The following DACH2 variants were observed in gnomAD, a reference collection of about 807,000 sequenced individuals.
DACH2 encodes the protein dachshund homolog 2.
DACH2 carries 17 observed loss-of-function variants against 35.8 expected under a neutral mutation model. The observed-to-expected ratio is 0.48, with a 90% CI of 0.33 to 0.71. The LOEUF (loss-of-function observed/expected upper bound fraction) is 0.71. Among genes scored for constraint, DACH2 ranks in the 30% least tolerant of loss-of-function variants. The pLI is 0.02. For synonymous variants in DACH2, 195 were observed against 177.3 expected, an observed-to-expected ratio of 1.10 and a Z score of -0.79; for missense variants, 469 against 472.7, an observed-to-expected ratio of 0.99 and a Z score of 0.07.
intron 2 of DACH2, among the ~76,000 whole-genome samples, chrX:86,455,853 C>G (rs9919084): frequency 0.076 from 8,554 of 111,945 alleles, 830 homozygotes; most frequent in African/African-American, 0.26. Context: ...GGGATATCTA[C>G]AGATGGGGAT....
chrX:86,758,501 T>C (rs1237514962), intron 7 of DACH2, among the ~76,000 whole-genome samples: 1 of 112,137 alleles, frequency 8.9e-6, no homozygotes, highest in Non-Finnish European at 1.9e-5. Context: ...TTCAGGAGCA[T>C]GTTGTTTCAT....
chrX:86,227,511 C>T (rs1309593303), intron 1 of DACH2, among the ~76,000 whole-genome samples: 1 of 111,304 alleles, frequency 9.0e-6, no homozygotes, highest in Non-Finnish European at 1.9e-5. Context: ...CTCATTCAAC[C>T]AAAAATATTT....
intron 2 of DACH2, among the ~76,000 whole-genome samples, chrX:86,449,661 C>A (rs1045108713): frequency 9.0e-6 from 1 of 110,691 alleles, no homozygotes; most frequent in Non-Finnish European, 1.9e-5. Context: ...ATATTTATTA[C>A]AAGATTTTGC....
intron 3 of DACH2, among the ~76,000 whole-genome samples, chrX:86,588,400 A>C (rs1366525923): frequency 8.9e-6 from 1 of 111,907 alleles, no homozygotes; most frequent in Non-Finnish European, 1.9e-5. Context: ...TTCTGCAAAA[A>C]GTGACATTGG....
At chrX:86,640,192 C>A (rs951653912) in intron 3 of DACH2, among the ~76,000 whole-genome samples, 1 of 111,163 alleles carries the variant, frequency 9.0e-6, no homozygotes, top group African/African-American at 3.3e-5. Flanking sequence ...CCAGCCACCC[C>A]CCGCCAGAGC....
In DACH2 at chrX:86,160,748, T is replaced by G. The variant is rs746546419; in HGVS notation, c.488+11640T>G. The G allele has an allele frequency of 2.8e-4, 131 of 461,552 alleles. 1 individual carries two copies. Among genetic ancestry groups the G allele is most frequent in the African/African-American group, 2.7e-3 (112 of 41,038 alleles). 38.0% of individuals were successfully genotyped at this position (461,552 alleles called of 1,213,427 possible). On this transcript the variant is annotated intron_variant, in intron 1 of 11. Coordinates refer to ENST00000373125, the MANE Select transcript of DACH2 (RefSeq NM_053281.3). ...TTTCATTTCACTCGAAGCTTTATTT[T>G]ATTTCACTCAAAGCTTCCTGGTGCA...
chrX:86,693,965 G>A (rs1036265216), intron 4 of DACH2, among the ~76,000 whole-genome samples: 14 of 99,734 alleles, frequency 1.4e-4, no homozygotes, highest in Non-Finnish European at 2.2e-4. Flanking sequence ...TCAATGTTGC[G>A]GATATGAGTA....
At chrX:86,516,825 T>C (rs1307810328) in intron 3 of DACH2, among the ~76,000 whole-genome samples, 1 of 111,420 alleles carries the variant, frequency 9.0e-6, no homozygotes, top group African/African-American at 3.3e-5. Context: ...TGGTTTTCTA[T>C]TCCTGTATTA....
intron 1 of DACH2, among the ~76,000 whole-genome samples, chrX:86,281,757 G>A (rs774174846): frequency 4.5e-5 from 5 of 112,065 alleles, no homozygotes; most frequent in South Asian, 3.7e-4. Context: ...AAACCCCATC[G>A]TCTCAGCCCA....
At chrX:86,201,376 C>G (rs1015102117) in intron 1 of DACH2, among the ~76,000 whole-genome samples, 1 of 110,351 alleles carries the variant, frequency 9.1e-6, no homozygotes, top group African/African-American at 3.3e-5. Context: ...ATCTGTACAG[C>G]ACACCCCCAT....
At chrX:86,504,490 T>C in intron 2 of DACH2, among the ~76,000 whole-genome samples, 1 of 108,077 alleles carries the variant, frequency 9.3e-6, no homozygotes, top group East Asian at 2.9e-4. Flanking sequence ...ATTTATTTAT[T>C]TATTTATTTA....
chrX:86,625,634 G>A (rs1488256084), intron 3 of DACH2, among the ~76,000 whole-genome samples: 1 of 111,416 alleles, frequency 9.0e-6, no homozygotes, highest in African/African-American at 3.3e-5. Context: ...ATAAAGGAAA[G>A]AGGTTTAATT....
chrX:86,231,249 TA>T (rs746479572), intron 1 of DACH2, among the ~76,000 whole-genome samples: 202 of 112,707 alleles, frequency 1.8e-3, no homozygotes, highest in Non-Finnish European at 3.1e-3. Flanking sequence ...TGTGCTGGTT[TA>T]CCACCTGCCA....
chrX:86,831,821 A>T lies in DACH2; in HGVS notation c.1751-285A>T, dbSNP rs1376582636. ...ATATACAAAAAAAAAAGTAATATAG[A>T]TTATTACAGACATTATAATATAGTT... On this transcript the variant is annotated intron_variant, in intron 11 of 11. Coordinates refer to ENST00000373125, the MANE Select transcript of DACH2 (RefSeq NM_053281.3). 8.7e-5 allele frequency: 17 copies of T among 196,157 alleles called. 1 individual carries two copies. The East Asian group carries it at 1.6e-3, about 18-fold the overall frequency. 16.2% of individuals were successfully genotyped at this position (196,157 alleles called of 1,213,427 possible).
At chrX:86,756,712 G>C (rs1242029543) in intron 7 of DACH2, among the ~76,000 whole-genome samples, 2 of 110,529 alleles carry the variant, frequency 1.8e-5, no homozygotes, top group African/African-American at 6.6e-5. Flanking sequence ...TTTTCAATTT[G>C]GATGACTTTT....
intron 1 of DACH2, among the ~76,000 whole-genome samples, chrX:86,253,035 G>A (rs929082982): frequency 1.8e-5 from 2 of 110,407 alleles, no homozygotes; most frequent in Non-Finnish European, 3.8e-5. Flanking sequence ...TCCTCCAAAA[G>A]GCCCCTAGAA....
chrX:86,673,263 G>T (rs1205385941), intron 4 of DACH2, among the ~76,000 whole-genome samples: 2 of 105,643 alleles, frequency 1.9e-5, no homozygotes, highest in African/African-American at 7.0e-5. Context: ...TGTGAACCTG[G>T]GAGGCGGAGC....
intron 4 of DACH2, among the ~76,000 whole-genome samples, chrX:86,667,545 GAA>G (rs2040704348): frequency 3.2e-5 from 1 of 31,378 alleles, no homozygotes; most frequent in Non-Finnish European, 5.6e-5. Context: ...AAGAAAGAAA[GAA>G]GAAAGAAAGA....
At chrX:86,546,732 T>A (rs1009665515) in intron 3 of DACH2, among the ~76,000 whole-genome samples, 2 of 108,124 alleles carry the variant, frequency 1.8e-5, no homozygotes, top group Non-Finnish European at 3.8e-5. Flanking sequence ...GCCAGGATGG[T>A]CTCAATCTCC....
Sources: gnomAD v4.1 joint callset for allele counts (sites outside exome capture counted in the v4.1 genomes callset) on GRCh38, gnomAD v4.1.1 for gene constraint, MANE v1.5 for transcripts, NCBI Gene and HGNC (gene_info 2026-07-23, HGNC 2026-07-21) for gene names.